LEKR1: variants seen among roughly 807,000 people sequenced by gnomAD.
LEKR1 encodes the protein leucine, glutamate and lysine rich 1.
Under a neutral mutation model 72.4 loss-of-function variants are expected in LEKR1, and 59 were observed. That is an observed-to-expected ratio of 0.82 (90% confidence interval 0.66 to 1.01). LEKR1 has a LOEUF of 1.01. Among genes scored for constraint, LEKR1 ranks in the 50% least tolerant of loss-of-function variants. The pLI, the probability that LEKR1 is intolerant of heterozygous loss-of-function variation, is 0.00. For synonymous variants in LEKR1, 257 were observed against 263.2 expected (o/e 0.98, Z 0.23); for missense variants, 728 against 759.2 (o/e 0.96, Z 0.48).
intron 3 of LEKR1, among the ~76,000 whole-genome samples, chr3:156,862,512 G>A (rs62275171): frequency 5.3e-5 from 8 of 152,018 alleles, no homozygotes; most frequent in Non-Finnish European, 1.2e-4. Flanking sequence ...GACGGAGAAA[G>A]AGCTGCTTCA....
At chr3:156,956,857 T>C (rs1350968491) in intron 6 of LEKR1, among the ~76,000 whole-genome samples, 1 of 151,782 alleles carries the variant, frequency 6.6e-6, no homozygotes, top group Non-Finnish European at 1.5e-5. Context: ...CCCAAGCAAA[T>C]GGGTGAAAGA....
In LEKR1 at chr3:156,972,495, AAAAT is replaced by A. The variant is rs1263539574; in HGVS notation, c.746-6685_746-6682del. On this transcript the variant is annotated intron_variant, in intron 6 of 12. Coordinates refer to ENST00000356539, the MANE Select transcript of LEKR1 (RefSeq NM_001004316.3). The stretch of plus-strand genomic sequence containing the variant: ...GTACCCTAAAACTTAAAGTATAATA[AAAAT>A]AAATAAATAAATAGTGAAAAAATAA... Among the ~76,000 whole-genome samples, 9 of 152,256 alleles carry A rather than the reference AAAAT, an allele frequency of 5.9e-5. No homozygotes were observed. The East Asian group carries it at 1.2e-3, about 20-fold the overall frequency.
chr3:156,846,134 G>T (rs1192778115), intron 2 of LEKR1, among the ~76,000 whole-genome samples: 1 of 152,010 alleles, frequency 6.6e-6, no homozygotes, highest in African/African-American at 2.4e-5. Context: ...TGCTCACTGG[G>T]TATATATATA....
intron 3 of LEKR1, among the ~76,000 whole-genome samples, chr3:156,857,179 A>G (rs1716166164): frequency 1.3e-5 from 2 of 152,142 alleles, no homozygotes; most frequent in South Asian, 2.1e-4. Flanking sequence ...TGATCATATG[A>G]TTTGTTTTCC....
chr3:156,832,083 G>A (rs1712488896), intron 2 of LEKR1, among the ~76,000 whole-genome samples: 1 of 152,212 alleles, frequency 6.6e-6, no homozygotes, highest in African/African-American at 2.4e-5. Flanking sequence ...AAACTGTCTT[G>A]TAATTGTTGG....
chr3:156,857,050 T>G (rs553042242), intron 3 of LEKR1, among the ~76,000 whole-genome samples: 4 of 152,280 alleles, frequency 2.6e-5, no homozygotes, highest in African/African-American at 9.6e-5. Flanking sequence ...GCTATAGGTT[T>G]CTTAAAGATA....
At chr3:156,998,041 A>T (rs2108013293) in intron 9 of LEKR1, among the ~76,000 whole-genome samples, 1 of 152,148 alleles carries the variant, frequency 6.6e-6, no homozygotes, top group South Asian at 2.1e-4. Context: ...TCCTTTATGG[A>T]TGGAGAGGGA....
At chr3:157,035,510 T>G (rs1444686154) in intron 12 of LEKR1, among the ~76,000 whole-genome samples, 1 of 152,092 alleles carries the variant, frequency 6.6e-6, no homozygotes, top group Non-Finnish European at 1.5e-5. Flanking sequence ...CCCTTCACAC[T>G]CTCATGTTTC....
intron 12 of LEKR1, among the ~76,000 whole-genome samples, chr3:157,036,986 G>A (rs1735011964): frequency 6.6e-6 from 1 of 152,046 alleles, no homozygotes; most frequent in Non-Finnish European, 1.5e-5. Flanking sequence ...TACATAACAT[G>A]GCCCAGATGT....
At chr3:156,905,179 G>GT (rs543863059) in intron 3 of LEKR1, among the ~76,000 whole-genome samples, 4 of 152,114 alleles carry the variant, frequency 2.6e-5, no homozygotes, top group Non-Finnish European at 5.9e-5. Context: ...TCCCTTACCT[G>GT]TTAGCAAAGG....
intron 6 of LEKR1, among the ~76,000 whole-genome samples, chr3:156,966,524 C>T (rs550334882): frequency 1.3e-5 from 2 of 152,304 alleles, no homozygotes; most frequent in Admixed American, 1.3e-4. Flanking sequence ...TGGAGCCTCG[C>T]TCATTGCTAG....
At chr3:156,849,292 T>C (rs1327797554) in intron 2 of LEKR1, among the ~76,000 whole-genome samples, 5 of 152,200 alleles carry the variant, frequency 3.3e-5, no homozygotes, top group Non-Finnish European at 2.9e-5. Context: ...TTCATGCTCA[T>C]GGGTAGGAAG....
chr3:156,942,042 T>G (rs1440785803), intron 5 of LEKR1, among the ~76,000 whole-genome samples: 1 of 152,034 alleles, frequency 6.6e-6, no homozygotes, highest in Non-Finnish European at 1.5e-5. Context: ...ATTTATTAGT[T>G]TTAGACACTA....
At chr3:157,041,977 C>T (rs1735380441) in intron 12 of LEKR1, among the ~76,000 whole-genome samples, 1 of 152,182 alleles carries the variant, frequency 6.6e-6, no homozygotes, top group South Asian at 2.1e-4. Context: ...CTAGTCATGC[C>T]TTATCAGACT....
chr3:157,038,415 T>C (rs1389793660), intron 12 of LEKR1, among the ~76,000 whole-genome samples: 1 of 152,186 alleles, frequency 6.6e-6, no homozygotes, highest in Non-Finnish European at 1.5e-5. Context: ...AGTGGAGATG[T>C]TGACTAGGCA....
At chr3:156,965,551 T>C (rs1728491173) in intron 6 of LEKR1, among the ~76,000 whole-genome samples, 2 of 152,186 alleles carry the variant, frequency 1.3e-5, no homozygotes, top group Non-Finnish European at 2.9e-5. Context: ...CTGTATTGAA[T>C]TGCATCTTTT....
intron 10 of LEKR1, among the ~76,000 whole-genome samples, chr3:157,014,488 C>G (rs1278723553): frequency 1.3e-5 from 2 of 151,916 alleles, no homozygotes; most frequent in Non-Finnish European, 2.9e-5. Flanking sequence ...ATTAAAGAAC[C>G]AAATGACCTA....
chr3:157,000,120 C>G (rs1731892111), intron 9 of LEKR1, among the ~76,000 whole-genome samples: 1 of 152,178 alleles, frequency 6.6e-6, no homozygotes, highest in African/African-American at 2.4e-5. Flanking sequence ...CTCCTCTCCT[C>G]TCAATTTCTT....
At chr3:156,898,545 T>C (rs180894420) in intron 3 of LEKR1, among the ~76,000 whole-genome samples, 2 of 152,296 alleles carry the variant, frequency 1.3e-5, no homozygotes, top group Non-Finnish European at 2.9e-5. Flanking sequence ...CTTGGACTTC[T>C]CAGTCTCTGG....
Sources: gnomAD v4.1 joint callset for allele counts (sites outside exome capture counted in the v4.1 genomes callset) on GRCh38, gnomAD v4.1.1 for gene constraint, MANE v1.5 for transcripts, NCBI Gene and HGNC (gene_info 2026-07-23, HGNC 2026-07-21) for gene names.